DLC1: variants seen among roughly 807,000 people sequenced by gnomAD.
DLC1 encodes the protein DLC1 Rho GTPase activating protein, also known as rho GTPase-activating protein 7.
DLC1 carries 54 observed loss-of-function variants against 140.3 expected under a neutral mutation model. That is an observed-to-expected ratio of 0.38 (90% CI 0.31 to 0.48). DLC1 has a LOEUF of 0.48. Ranked by LOEUF, DLC1 falls within the 20% of genes least tolerant of loss-of-function variation. The pLI, the probability that DLC1 is intolerant of heterozygous loss-of-function variation, is 0.96. For synonymous variants in DLC1, 986 were observed against 728.1 expected (o/e 1.35, Z -5.70); for missense variants, 2,536 against 1,907.0 (o/e 1.33, Z -6.14).
At chr8:13,305,118 C>A in intron 5 of DLC1, 151 bp downstream of exon 5, 3 of 1,326,110 alleles carry the variant, frequency 2.3e-6, no homozygotes, top group Non-Finnish European at 2.9e-6. Flanking sequence ...ACATATTGAG[C>A]AAAACAAATT....
intron 6 of DLC1, 44 bp from the exon 7 acceptor site, chr8:13,110,867 C>T (rs1369654528): frequency 6.3e-7 from 1 of 1,580,274 alleles, no homozygotes; most frequent in Non-Finnish European, 8.7e-7. Flanking sequence ...CGCCTAAAAC[C>T]CAATTTGCCA....
At chr8:13,348,783 C>T (rs1834493745) in intron 4 of DLC1, among the ~76,000 whole-genome samples, 2 of 152,012 alleles carry the variant, frequency 1.3e-5, no homozygotes, top group African/African-American at 4.8e-5. Flanking sequence ...TAATGCAAAC[C>T]ATATCAATAG....
chr8:13,484,772 C>T (rs1420284393), intron 2 of DLC1, among the ~76,000 whole-genome samples: 1 of 151,830 alleles, frequency 6.6e-6, no homozygotes, highest in Non-Finnish European at 1.5e-5. Flanking sequence ...CATAAACAGT[C>T]CCTGGAGGCC....
chr8:13,516,132 G>A (rs1802578262), upstream of DLC1, among the ~76,000 whole-genome samples: 1 of 151,930 alleles, frequency 6.6e-6, no homozygotes, highest in Non-Finnish European at 1.5e-5. Flanking sequence ...TACAATCAAT[G>A]GATTTCGCTG....
intron 5 of DLC1, among the ~76,000 whole-genome samples, chr8:13,245,618 G>C (rs1038281152): frequency 6.6e-6 from 1 of 152,068 alleles, no homozygotes; most frequent in Non-Finnish European, 1.5e-5. Context: ...GGAAATCCAC[G>C]TTAAGATACT....
intron 1 of DLC1, among the ~76,000 whole-genome samples, chr8:13,575,342 T>C (rs1244379251): frequency 6.6e-6 from 1 of 151,892 alleles, no homozygotes; most frequent in Non-Finnish European, 1.5e-5. Flanking sequence ...TAATGAGGGT[T>C]AGGAGGGGGG....
At chr8:13,358,422 T>C (rs972484924) in intron 4 of DLC1, among the ~76,000 whole-genome samples, 1 of 152,210 alleles carries the variant, frequency 6.6e-6, no homozygotes, top group African/African-American at 2.4e-5. Context: ...TTGACTTGCA[T>C]TTAGTCCAAA....
rs143932118 is a variant in DLC1, at chr8:13,501,662, A to G, written c.-125-1466T>C. Among the ~76,000 whole-genome samples the G allele has an allele frequency of 6.6e-3, 1,004 of 152,296 alleles. 12 individuals carry two copies. The highest frequency in any genetic ancestry group is 0.022 in the African/African-American group (906 of 41,560). On this transcript the variant is annotated intron_variant, in intron 1 of 17. Transcript: ENST00000276297. Reference sequence around the variant, plus strand: ...GTCTGTAAAAACTGGCGAAATTGACATGTGCTAGAATTTTAGTATCCCAGC... The same window carrying G: ...GTCTGTAAAAACTGGCGAAATTGACGTGTGCTAGAATTTTAGTATCCCAGC...
Position 13,100,427 on chromosome 8 carries a change from A to G in DLC1, c.1910T>C (p.Phe637Ser), listed in dbSNP as rs1407065303. 6 of 1,614,054 alleles carry G rather than the reference A, an allele frequency of 3.7e-6. No individual in the cohort carries two copies. The highest frequency in any genetic ancestry group is 2.2e-5 in the South Asian group (2 of 91,086). ...TTCCTTGGGAGAGGGCAGGCTGCCG[A>G]AAGAGTCGTCATTGCCTGCCAAGTT... ...SSNLAGNDDS[F>S]GSLPSPKELS... Residue 637 changes from phenylalanine to serine, a missense_variant, in exon 9 of 18, where the codon TTC (phenylalanine) becomes TCC (serine). Physicochemically the swap from Phe to Ser is radical, Grantham distance 155. Transcript: ENST00000276297.
intron 1 of DLC1, among the ~76,000 whole-genome samples, chr8:13,555,236 T>C (rs1195411688): frequency 1.3e-5 from 2 of 152,226 alleles, no homozygotes; most frequent in Admixed American, 6.5e-5. Flanking sequence ...ACATATCACA[T>C]ACCATCTTCT....
At chr8:13,394,260 T>C (rs1279660213) in intron 3 of DLC1, among the ~76,000 whole-genome samples, 1 of 152,222 alleles carries the variant, frequency 6.6e-6, no homozygotes, top group African/African-American at 2.4e-5. Flanking sequence ...TTGTTATGTG[T>C]CATTCAATTC....
intron 4 of DLC1, among the ~76,000 whole-genome samples, chr8:13,362,568 T>G (rs974055282): frequency 2.0e-5 from 3 of 152,096 alleles, no homozygotes; most frequent in Admixed American, 6.6e-5. Flanking sequence ...TTTCTTGCAA[T>G]TCATAATTAA....
intron 4 of DLC1, among the ~76,000 whole-genome samples, chr8:13,308,604 A>G (rs1326207850): frequency 6.6e-6 from 1 of 152,226 alleles, no homozygotes; most frequent in Non-Finnish European, 1.5e-5. Context: ...TCTTAATTAC[A>G]TGCCTCACAT....
At position 13,393,663 on chromosome 8, in the gene DLC1, C is replaced by G. The variant is rs1836875449; in HGVS notation, c.1204G>C (p.Asp402His). Residue 402 changes from aspartate to histidine, a missense_variant, in exon 4 of 18, where the codon GAT (aspartate) becomes CAT (histidine). Coordinates refer to ENST00000276297, the MANE Select transcript of DLC1 (RefSeq NM_182643.3). ...CGTGTCTGATTTACTGAAATGGTATCTGCTCCACTTTCAGATCCTGATTCC... is the reference window on the plus strand; with the variant it reads ...CGTGTCTGATTTACTGAAATGGTATGTGCTCCACTTTCAGATCCTGATTCC... ...DLESGSESGA[D>H]TISVNQTRVN... The G allele has an allele frequency of 1.2e-6, 2 of 1,614,066 alleles. No individual in the cohort carries two copies. Among genetic ancestry groups the G allele is most frequent in the Middle Eastern group, 1.7e-4 (1 of 6,042 alleles).
At chr8:13,091,904 C>T (rs898994497) in intron 13 of DLC1, among the ~76,000 whole-genome samples, 1 of 152,198 alleles carries the variant, frequency 6.6e-6, no homozygotes, top group South Asian at 2.1e-4. Flanking sequence ...CTACTCATCT[C>T]TAGCTCTGTA....
At position 13,312,386 on chromosome 8, in the gene DLC1, A is replaced by AAAAAAAAAAAAAAAAAAT. The variant is rs71207139; in HGVS notation, c.1315-7085_1315-7084insATTTTTTTTTTTTTTTTT. 1.4e-3 allele frequency among the ~76,000 whole-genome samples: 113 copies of AAAAAAAAAAAAAAAAAAT among 81,688 alleles called. 3 individuals carry two copies. Among genetic ancestry groups the AAAAAAAAAAAAAAAAAAT allele is most frequent in the Middle Eastern group, 7.7e-3 (1 of 130 alleles). 53.6% of individuals were successfully genotyped at this position (81,688 alleles called of 152,430 possible). A position where few individuals can be genotyped will look rare whatever the true frequency, so the allele number is the denominator to read the frequency against. ...AAAAAAAAAAAAAAAAAAAAAAAAA[A>AAAAAAAAAAAAAAAAAAT]AATAATTTCTTTAGCAAGCTAGATA... On this transcript the variant is annotated intron_variant, in intron 4 of 17. Transcript: ENST00000276297.
intron 4 of DLC1, among the ~76,000 whole-genome samples, chr8:13,389,460 CA>C (rs1836658724): frequency 6.6e-6 from 1 of 152,008 alleles, no homozygotes; most frequent in Admixed American, 6.6e-5. Flanking sequence ...GTCAAAAGAA[CA>C]AAACAATTTA....
intron 4 of DLC1, among the ~76,000 whole-genome samples, chr8:13,350,630 C>T (rs1292188962): frequency 1.3e-5 from 2 of 152,038 alleles, no homozygotes; most frequent in Non-Finnish European, 2.9e-5. Flanking sequence ...GCAGGAAAAT[C>T]GCTTGAACCA....
chr8:13,133,313 G>A lies in DLC1; in HGVS notation c.1349-17656C>T, dbSNP rs529894535. 9.1e-6 allele frequency: 11 copies of A among 1,204,326 alleles called. No individual in the cohort carries two copies. The African/African-American group carries it at 9.8e-5, about 11-fold the overall frequency. The allele number at this position is 1,204,326 out of a possible 1,614,324, so 74.6% of individuals were successfully genotyped here. Reference sequence around the variant, plus strand: ...CTGTCTCCCGCGCGCTCCGCCAGCCGGGCCCTCCCGCTGGGCCCACCCCCC... The same window carrying A: ...CTGTCTCCCGCGCGCTCCGCCAGCCAGGCCCTCCCGCTGGGCCCACCCCCC... On this transcript the variant is annotated intron_variant, in intron 5 of 17. Transcript: ENST00000276297.
Sources: allele counts gnomAD v4.1 joint callset (sites outside exome capture counted in the v4.1 genomes callset), GRCh38; gene constraint gnomAD v4.1.1; transcripts MANE v1.5; gene names NCBI Gene and HGNC (gene_info 2026-07-23, HGNC 2026-07-21).